The following SDK1 variants were observed in gnomAD, a reference collection of about 807,000 sequenced individuals.
SDK1 encodes the protein protein sidekick-1.
A neutral mutation model predicts 245.5 loss-of-function variants in SDK1; 157 were observed. The observed-to-expected ratio is 0.64, with a 90% CI of 0.56 to 0.73. The LOEUF (loss-of-function observed/expected upper bound fraction) is 0.73, where lower values mean the gene tolerates loss of function less well. Among genes scored for constraint, SDK1 ranks in the 30% least tolerant of loss-of-function variants. The probability of loss-of-function intolerance (pLI) is 0.00; values close to 1 mark genes in which losing one functional copy is unlikely to be tolerated. For missense variants in SDK1, 3,583 were observed against 3,002.3 expected (o/e 1.19, Z -4.52); for synonymous variants, 1,647 against 1,278.5 (o/e 1.29, Z -6.15).
At chr7:3,438,263 C>G (rs1332705147) in intron 1 of SDK1, among the ~76,000 whole-genome samples, 1 of 152,172 alleles carries the variant, frequency 6.6e-6, no homozygotes, top group Non-Finnish European at 1.5e-5. Context: ...ATGACTTCTG[C>G]ATAAAAACAT....
intron 1 of SDK1, among the ~76,000 whole-genome samples, chr7:3,334,582 A>T (rs2128552219): frequency 6.6e-6 from 1 of 152,176 alleles, no homozygotes; most frequent in East Asian, 1.9e-4. Context: ...CACGTTCCAG[A>T]GGCCCCACGA....
At chr7:3,729,213 A>T (rs576851985) in intron 4 of SDK1, among the ~76,000 whole-genome samples, 1 of 152,332 alleles carries the variant, frequency 6.6e-6, no homozygotes, top group South Asian at 2.1e-4. Context: ...TTAGGAAAAC[A>T]TCATTTTGTT....
chr7:3,611,769 C>T (rs1205991574), intron 1 of SDK1, among the ~76,000 whole-genome samples: 1 of 151,904 alleles, frequency 6.6e-6, no homozygotes, highest in Non-Finnish European at 1.5e-5. Context: ...ATCGAAACCA[C>T]AATGCTATGC....
At chr7:3,765,443 G>A (rs986603829) in intron 4 of SDK1, among the ~76,000 whole-genome samples, 6 of 152,144 alleles carry the variant, frequency 3.9e-5, no homozygotes, top group African/African-American at 9.7e-5. Context: ...GTTCTTTTAT[G>A]TCTGACTTCC....
chr7:3,802,278 C>G (rs1014750395), intron 4 of SDK1, among the ~76,000 whole-genome samples: 5 of 152,148 alleles, frequency 3.3e-5, no homozygotes, highest in Admixed American at 2.0e-4. Context: ...AATCCCAGCA[C>G]TTTGGGAGGC....
intron 35 of SDK1, among the ~76,000 whole-genome samples, chr7:4,189,180 T>C (rs934541330): frequency 1.3e-5 from 2 of 152,166 alleles, no homozygotes; most frequent in African/African-American, 4.8e-5. Context: ...TGGCTGTCCC[T>C]CTGGCACGGT....
chr7:3,442,601 CTT>C (rs1369655309), intron 1 of SDK1, among the ~76,000 whole-genome samples: 5 of 152,190 alleles, frequency 3.3e-5, no homozygotes, highest in East Asian at 1.9e-4. Flanking sequence ...CCTTTTCTAA[CTT>C]TTCAAATTTA....
chr7:4,245,653 T>G (rs779603350), intron 43 of SDK1, 23 bp from the exon 44 acceptor site: 91 of 1,611,206 alleles, frequency 5.6e-5, no homozygotes, highest in Non-Finnish European at 7.7e-5. Flanking sequence ...AGAGGGTAAT[T>G]GCAGCATGGG....
chr7:4,142,020 G>C lies in SDK1; in HGVS notation c.4229-3702G>C, dbSNP rs1562876144. Reference sequence around the variant, plus strand: ...TCCACCTGCCTCGGCCTCCCAAAGTGCTGGGATCATAGGTGTGAGCCACTG... The same window carrying C: ...TCCACCTGCCTCGGCCTCCCAAAGTCCTGGGATCATAGGTGTGAGCCACTG... On this transcript the variant is annotated intron_variant, in intron 28 of 44. Transcript: ENST00000404826. Among the ~76,000 whole-genome samples the C allele has an allele frequency of 2.0e-5, 3 of 152,244 alleles. No individual in the cohort carries two copies. The South Asian group carries it at 6.2e-4, about 32-fold the overall frequency.
intron 25 of SDK1, among the ~76,000 whole-genome samples, chr7:4,117,668 C>G (rs1430497870): frequency 2.0e-5 from 3 of 152,158 alleles, no homozygotes; most frequent in African/African-American, 7.2e-5. Context: ...AGTCTGCACC[C>G]TGGTCCTGGG....
chr7:3,913,424 G>A (rs1305767938), intron 5 of SDK1, among the ~76,000 whole-genome samples: 8 of 151,766 alleles, frequency 5.3e-5, no homozygotes, highest in Non-Finnish European at 7.4e-5. Flanking sequence ...CGCTCGAGTA[G>A]CTGGGACTAC....
At chr7:4,130,817 C>T (rs193014248) in intron 27 of SDK1, among the ~76,000 whole-genome samples, 1 of 152,172 alleles carries the variant, frequency 6.6e-6, no homozygotes, top group Admixed American at 6.5e-5. Flanking sequence ...GAGAGAAATG[C>T]GGATCTCTCC....
chr7:3,834,329 C>G (rs1779982953), intron 5 of SDK1, among the ~76,000 whole-genome samples: 2 of 152,170 alleles, frequency 1.3e-5, no homozygotes, highest in African/African-American at 4.8e-5. Flanking sequence ...TCCTGCCTTC[C>G]CTGAGCTCAC....
intron 1 of SDK1, among the ~76,000 whole-genome samples, chr7:3,341,483 G>A (rs1481437770): frequency 6.6e-6 from 1 of 152,124 alleles, no homozygotes; most frequent in East Asian, 1.9e-4. Flanking sequence ...GTCCAAAACA[G>A]TAGTACTAAA....
chr7:4,205,879 C>T lies in SDK1; in HGVS notation c.5099C>T (p.Ala1700Val), dbSNP rs1162141162. 14 of 1,552,140 alleles carry T rather than the reference C, an allele frequency of 9.0e-6. No homozygotes were observed. The highest frequency in any genetic ancestry group is 1.7e-4 in the Middle Eastern group (1 of 6,012). Residue 1700 changes from alanine (A) to valine (V), a missense_variant and splice_region_variant, in exon 36 of 45, where the codon GCC (alanine) becomes GTC (valine). Transcript: ENST00000404826. The stretch of plus-strand genomic sequence containing the variant: ...TCTCTCCGCATTGCTCTTTCCTCAG[C>T]CCCGGCCATGGCCCCGCAGAACGTG... The part of the protein sequence containing the change: ...APVEVFVGEA[A>V]PAMAPQNVQV...
intron 44 of SDK1, among the ~76,000 whole-genome samples, chr7:4,263,271 G>A (rs1163838492): frequency 6.9e-6 from 1 of 145,160 alleles, no homozygotes; most frequent in Non-Finnish European, 1.5e-5. Flanking sequence ...TCTCAGGCAA[G>A]CCAAAGACCC....
intron 32 of SDK1, among the ~76,000 whole-genome samples, chr7:4,167,535 C>T (rs1350215077): frequency 6.6e-6 from 1 of 152,222 alleles, no homozygotes; most frequent in Non-Finnish European, 1.5e-5. Flanking sequence ...TCCCAGTTCC[C>T]TTCAAGCTTC....
intron 5 of SDK1, among the ~76,000 whole-genome samples, chr7:3,855,135 C>G (rs1780513693): frequency 6.6e-6 from 1 of 152,064 alleles, no homozygotes; most frequent in African/African-American, 2.4e-5. Context: ...GAGCCCTTCA[C>G]TCCCAGAAGA....
In SDK1 at chr7:3,440,454, G is replaced by C. The variant is rs1780163843; in HGVS notation, c.298+138570G>C. On this transcript the variant is annotated intron_variant, in intron 1 of 44. Transcript: ENST00000404826. The stretch of plus-strand genomic sequence containing the variant: ...TTCTGGAAACTTGGGGTACATGTGT[G>C]ACCATTAGACTCAGTTAGCCCCTCA... 1.4e-5 allele frequency among the ~76,000 whole-genome samples: 2 copies of C among 142,058 alleles called. 1 individual carries two copies. The highest frequency in any genetic ancestry group is 1.4e-4 in the Admixed American group (2 of 14,162). 93.2% of individuals were successfully genotyped at this position (142,058 alleles called of 152,430 possible).
Sources: gnomAD v4.1 joint callset for allele counts (sites outside exome capture counted in the v4.1 genomes callset) on GRCh38, gnomAD v4.1.1 for gene constraint, MANE v1.5 for transcripts, NCBI Gene and HGNC (gene_info 2026-07-23, HGNC 2026-07-21) for gene names.